The following ARL17B variants were observed in gnomAD, a reference collection of about 807,000 sequenced individuals.
ARL17B encodes the protein ADP-ribosylation factor-like protein 17.
downstream of ARL17B, chr17:46,331,523 A>C: frequency 6.2e-7 from 1 of 1,607,482 alleles, no homozygotes; most frequent in Non-Finnish European, 8.5e-7. Flanking sequence ...CATCTCTGAA[A>C]ACACAAACTA....
intron 4 of ARL17B, among the ~76,000 whole-genome samples, chr17:46,290,636 G>A (rs1187890997): frequency 1.1e-4 from 17 of 151,598 alleles, no homozygotes. Context: ...TAGTACAGAC[G>A]GGGTTTCGCC....
At chr17:46,282,714 G>T (rs1176205984) in intron 4 of ARL17B, among the ~76,000 whole-genome samples, 1 of 151,886 alleles carries the variant, frequency 6.6e-6, no homozygotes, top group East Asian at 1.9e-4. Context: ...AAGTCACCTT[G>T]CCTGGCCTTT....
chr17:46,282,581 ATT>A (rs66586772), intron 4 of ARL17B, among the ~76,000 whole-genome samples: 17 of 136,178 alleles, frequency 1.2e-4, no homozygotes, highest in Admixed American at 2.2e-4. Flanking sequence ...AGCCTGGTTA[ATT>A]TTTTTTTTTT....
intron 3 of ARL17B, among the ~76,000 whole-genome samples, chr17:46,343,585 AT>A (rs1440072024): frequency 5.2e-5 from 6 of 116,318 alleles, no homozygotes; most frequent in African/African-American, 2.4e-4. Flanking sequence ...CACTAGCCAC[AT>A]ATGGCTATTT....
At chr17:46,286,738 CCAGT>C (rs1336697457) in intron 4 of ARL17B, among the ~76,000 whole-genome samples, 1 of 152,128 alleles carries the variant, frequency 6.6e-6, no homozygotes, top group Non-Finnish European at 1.5e-5. Context: ...AAATAAGTAA[CCAGT>C]CAGAGCAATT....
At chr17:46,276,279 T>C (rs1331280962) in intron 4 of ARL17B, among the ~76,000 whole-genome samples, 1 of 152,266 alleles carries the variant, frequency 6.6e-6, no homozygotes, top group Non-Finnish European at 1.5e-5. Flanking sequence ...TAAATTTATA[T>C]TGCAATAGCA....
Position 46,338,038 on chromosome 17 carries a change from T to TG in ARL17B, c.*1461dup, listed in dbSNP as rs1422277820. ...TTCCTCAAAGGGGGGGCTCCTAGAC[T>TG]GGGGGGAGGGCTGGACATCTGAATA... is the stretch of plus-strand genomic sequence containing the variant. On this transcript the variant is annotated 3_prime_UTR_variant, in exon 4 of 4. Transcript: ENST00000450673. Among the ~76,000 whole-genome samples, 17 of 25,772 alleles carry TG rather than the reference T, an allele frequency of 6.6e-4. 1 individual carries two copies. Among genetic ancestry groups the TG allele is most frequent in the African/African-American group, 3.0e-3 (16 of 5,394 alleles). The allele number at this position is 25,772 out of a possible 152,430, so 16.9% of individuals were successfully genotyped here. A position where few individuals can be genotyped will look rare whatever the true frequency, so the allele number is the denominator to read the frequency against.
chr17:46,291,737 C>A (rs1010572207), intron 4 of ARL17B, among the ~76,000 whole-genome samples: 3 of 151,660 alleles, frequency 2.0e-5, no homozygotes, highest in Admixed American at 6.6e-5. Context: ...CCAGCCTGGG[C>A]AACATGGCAA....
chr17:46,291,122 A>G (rs2050053813), intron 4 of ARL17B, among the ~76,000 whole-genome samples: 1 of 152,252 alleles, frequency 6.6e-6, no homozygotes, highest in African/African-American at 2.4e-5. Context: ...CTCTATTTAT[A>G]GAGAGAGACT....
intron 4 of ARL17B, among the ~76,000 whole-genome samples, chr17:46,288,617 A>G (rs2049982577): frequency 6.6e-6 from 1 of 152,126 alleles, no homozygotes; most frequent in African/African-American, 2.4e-5. Flanking sequence ...ATTTTTTAAA[A>G]AAAGTTTTAA....
At chr17:46,274,456 G>T (rs1217110555), downstream of ARL17B, among the ~76,000 whole-genome samples, 1 of 152,204 alleles carries the variant, frequency 6.6e-6, no homozygotes, top group Non-Finnish European at 1.5e-5. Context: ...TTGTTGATTC[G>T]CAGTTGTGTG....
At chr17:46,305,319 A>G (rs2050510096) in intron 3 of ARL17B, among the ~76,000 whole-genome samples, 1 of 125,084 alleles carries the variant, frequency 8.0e-6, no homozygotes, top group South Asian at 2.4e-4. Context: ...TTGTATATTT[A>G]TTAAAACCAT....
intron 4 of ARL17B, among the ~76,000 whole-genome samples, chr17:46,282,018 A>G (rs2049775404): frequency 6.6e-6 from 1 of 151,962 alleles, no homozygotes; most frequent in Non-Finnish European, 1.5e-5. Flanking sequence ...CCTTGCCTAT[A>G]TATATATTCA....
At chr17:46,280,780 G>A (rs2532323) in intron 4 of ARL17B, among the ~76,000 whole-genome samples, 18,607 of 149,880 alleles carry the variant, frequency 0.12, 2 homozygotes, top group Middle Eastern at 0.19. Context: ...TGCCATGTTG[G>A]CCAGGATGGT....
chr17:46,350,560 TAA>T (rs1236947728), intron 3 of ARL17B, among the ~76,000 whole-genome samples: 20 of 51,948 alleles, frequency 3.8e-4, no homozygotes, highest in Admixed American at 6.6e-4. Flanking sequence ...AATAAGCAGT[TAA>T]AAAAAAAAAA....
chr17:46,275,987 T>A (rs2049576737), intron 4 of ARL17B, among the ~76,000 whole-genome samples: 1 of 152,190 alleles, frequency 6.6e-6, no homozygotes, highest in Non-Finnish European at 1.5e-5. Flanking sequence ...GCCTCCCAGA[T>A]TCAAGCGATT....
intron 4 of ARL17B, among the ~76,000 whole-genome samples, chr17:46,289,299 C>T (rs56130708): frequency 0.14 from 21,686 of 151,662 alleles, 1,929 homozygotes; most frequent in Non-Finnish European, 0.22. Context: ...CCTCCTGCCT[C>T]AACCCCTTCA....
chr17:46,279,411 C>T (rs1429234502), intron 4 of ARL17B, among the ~76,000 whole-genome samples: 6 of 151,168 alleles, frequency 4.0e-5, no homozygotes, highest in Admixed American at 6.6e-5. Context: ...CTTGAACTCC[C>T]GACCTCAGGT....
chr17:46,324,140 A>C (rs2051573862), intron 3 of ARL17B, among the ~76,000 whole-genome samples: 1 of 120,896 alleles, frequency 8.3e-6, no homozygotes, highest in Non-Finnish European at 1.8e-5. Context: ...GTGTGGTGGC[A>C]CATGCCTGTA....
Sources: gnomAD v4.1 joint callset for allele counts (sites outside exome capture counted in the v4.1 genomes callset) on GRCh38, gnomAD v4.1.1 for gene constraint, MANE v1.5 for transcripts, NCBI Gene and HGNC (gene_info 2026-07-23, HGNC 2026-07-21) for gene names.